ANKMY1: variants seen among roughly 807,000 people sequenced by gnomAD.
ANKMY1 encodes ankyrin repeat and MYND domain-containing protein 1.
In ANKMY1, 98 loss-of-function variants were observed where a neutral mutation model predicts 102.0. That is an observed-to-expected ratio of 0.96 (90% CI 0.82 to 1.14). The LOEUF (loss-of-function observed/expected upper bound fraction) is 1.14, where lower values mean the gene tolerates loss of function less well. Ranked by LOEUF, ANKMY1 falls within the 50% of genes most tolerant of loss-of-function variation. ANKMY1 has a pLI of 0.00. For synonymous variants in ANKMY1, 582 were observed against 559.9 expected, an observed-to-expected ratio of 1.04 and a Z score of -0.56; for missense variants, 1,330 against 1,347.6, an observed-to-expected ratio of 0.99 and a Z score of 0.20.
At chr2:240,479,718 C>A in intron 17 of ANKMY1, 63 bp from the exon 18 acceptor site, 1 of 1,507,292 alleles carries the variant, frequency 6.6e-7, no homozygotes, top group Non-Finnish European at 9.2e-7. Flanking sequence ...CCCCCGAGGC[C>A]TGGCTCCAGA....
At chr2:240,558,691 G>A (rs1021338247), upstream of ANKMY1, 1 of 152,214 alleles carries the variant, frequency 6.6e-6, no homozygotes, top group Non-Finnish European at 1.5e-5. Flanking sequence ...TCTGAGAACA[G>A]GGCAGGGGGT....
chr2:240,522,224 G>A (rs1478600054), intron 8 of ANKMY1: 8 of 152,176 alleles, frequency 5.3e-5, no homozygotes, highest in Non-Finnish European at 1.2e-4. Flanking sequence ...CAATCCTTTA[G>A]CTAGACACAA....
intron 4 of ANKMY1, among the ~76,000 whole-genome samples, chr2:240,542,257 C>T (rs1241252093): frequency 6.6e-6 from 1 of 151,128 alleles, no homozygotes; most frequent in Non-Finnish European, 1.5e-5. Flanking sequence ...CCTGTAATCT[C>T]AGCACTTTGG....
chr2:240,560,919 C>G (rs2092926890), upstream of ANKMY1: 3 of 1,536,296 alleles, frequency 2.0e-6, no homozygotes, highest in East Asian at 7.9e-5. Flanking sequence ...TGAGGACCTG[C>G]TGGCGCACCT....
At position 240,529,462 on chromosome 2, in the gene ANKMY1, G is replaced by A; in HGVS notation, c.528C>T (p.Tyr176=). 6.2e-7 allele frequency: 1 copy of A among 1,614,034 alleles called. No individual in the cohort carries two copies. The highest frequency in any genetic ancestry group is 1.7e-4 in the Middle Eastern group (1 of 6,038). The part of the protein sequence containing the change: ...DQRFGPGVET[Y]PDGSQDVGLW... ...GCCCCACGTCCTGGCTGCCATCGGGGTAGGTCTCGACACCTGGCCCAAACC... is the reference window on the plus strand; with the variant it reads ...GCCCCACGTCCTGGCTGCCATCGGGATAGGTCTCGACACCTGGCCCAAACC... The change falls in exon 5 of 18, where the codon TAC becomes TAT. Residue 176 remains tyrosine, a synonymous_variant. Coordinates refer to ENST00000401804, the MANE Select transcript of ANKMY1 (RefSeq NM_001282771.3). This position sits in a 1 kb window ranked among gnomAD's most constrained non-coding sequence, Gnocchi z 4.2.
rs574093316 is a variant in ANKMY1, at chr2:240,525,419, C to T, written c.1335+266G>A. 5.9e-5 allele frequency among the ~76,000 whole-genome samples: 9 copies of T among 152,384 alleles called. No homozygotes were observed. The South Asian group carries it at 1.7e-3, about 28-fold the overall frequency. On this transcript the variant is annotated intron_variant, in intron 7 of 17. Coordinates refer to ENST00000401804, the MANE Select transcript of ANKMY1 (RefSeq NM_001282771.3). Reference sequence around the variant, plus strand: ...GGATGCCCACTCTCCCTCCACAGCACCCCTTTCCTGCACAGTGCTGGCAGG... The same window carrying T: ...GGATGCCCACTCTCCCTCCACAGCATCCCTTTCCTGCACAGTGCTGGCAGG...
intron 4 of ANKMY1, among the ~76,000 whole-genome samples, chr2:240,538,779 T>C (rs2087702853): frequency 6.6e-6 from 1 of 152,122 alleles, no homozygotes; most frequent in Non-Finnish European, 1.5e-5. Flanking sequence ...AGCTAAAGGA[T>C]TGTAAATGCA....
intron 8 of ANKMY1, chr2:240,522,918 A>G (rs750533867): frequency 5.3e-5 from 8 of 152,240 alleles, no homozygotes; most frequent in Non-Finnish European, 1.0e-4. Context: ...CGCCAGCAAC[A>G]AATAGTGTCA....
chr2:240,497,895 G>C (rs2077474339), intron 15 of ANKMY1, among the ~76,000 whole-genome samples: 1 of 152,200 alleles, frequency 6.6e-6, no homozygotes, highest in African/African-American at 2.4e-5. Flanking sequence ...CCTAATCTCT[G>C]ATGGAAAGGA....
chr2:240,526,603 G>A (rs7593034), intron 5 of ANKMY1, 158 bp from the exon 6 acceptor site: 18 of 1,462,126 alleles, frequency 1.2e-5, no homozygotes, highest in South Asian at 7.0e-5. Context: ...AGCTGCACCC[G>A]CAGCTGCTCA....
intron 4 of ANKMY1, among the ~76,000 whole-genome samples, chr2:240,533,758 T>C (rs1179399053): frequency 6.9e-6 from 1 of 145,394 alleles, no homozygotes; most frequent in Non-Finnish European, 1.5e-5. Flanking sequence ...CACACACACT[T>C]TTTTTAGGTA....
the ANKMY1 span, among the ~76,000 whole-genome samples, chr2:240,471,007 G>A: frequency 6.6e-6 from 1 of 152,154 alleles, no homozygotes; most frequent in South Asian, 2.1e-4. Flanking sequence ...AGGGCTGGGA[G>A]CTGGAACTGG....
At chr2:240,542,720 C>A (rs1481406495) in intron 4 of ANKMY1, among the ~76,000 whole-genome samples, 2 of 144,868 alleles carry the variant, frequency 1.4e-5, no homozygotes, top group African/African-American at 5.1e-5. Context: ...ATGTTTATAT[C>A]TATATATATA....
rs745940094 is a variant in ANKMY1 at position 240,529,194 on chromosome 2, T to C, written c.796A>G (p.Ser266Gly). The C allele has an allele frequency of 3.7e-6, 6 of 1,614,240 alleles. No homozygotes were observed. Among genetic ancestry groups the C allele is most frequent in the Non-Finnish European group, 5.1e-6 (6 of 1,180,052 alleles). ...GAGCTTGTCATGGGCAGGTGGTCACTGTTGGTCGAGTAGACATACATTTCT... is the reference window on the plus strand; with the variant it reads ...GAGCTTGTCATGGGCAGGTGGTCACCGTTGGTCGAGTAGACATACATTTCT... ...PPEMYVYSTN[S>G]DHLPMTSSFR... Residue 266 changes from serine (S) to glycine (G), a missense_variant, in exon 5 of 18, where the codon AGT becomes GGT. Coordinates refer to ENST00000401804, the MANE Select transcript of ANKMY1 (RefSeq NM_001282771.3). The surrounding 1 kb of genome is among the most constrained non-coding windows in gnomAD (Gnocchi z 4.2).
Position 240,539,479 on chromosome 2 carries a change from A to G in ANKMY1, c.481-9970T>C, listed in dbSNP as rs1443108360. 3.3e-5 allele frequency among the ~76,000 whole-genome samples: 5 copies of G among 152,300 alleles called. No homozygotes were observed. The East Asian group carries it at 9.6e-4, about 29-fold the overall frequency. On this transcript the variant is annotated intron_variant, in intron 4 of 17. Transcript: ENST00000401804. ...ATCAGAAGGAACAAACTCCCGACAC[A>G]CCATCTTTAAGAACCGTAACACTCA...
At chr2:240,472,334 AG>A in the ANKMY1 span, among the ~76,000 whole-genome samples, 2 of 143,832 alleles carry the variant, frequency 1.4e-5, no homozygotes, top group African/African-American at 5.5e-5. Flanking sequence ...ACCCAGCTCC[AG>A]CCCCACTCTG....
chr2:240,507,829 C>T (rs949036289), intron 12 of ANKMY1, 138 bp from the exon 13 acceptor site: 7 of 1,063,948 alleles, frequency 6.6e-6, no homozygotes, highest in Admixed American at 3.5e-5. Flanking sequence ...GCCCTTCCCA[C>T]GGATCCTACC....
At position 240,525,744 on chromosome 2, in the gene ANKMY1, G is replaced by C; in HGVS notation, c.1276C>G (p.His426Asp). The C allele has an allele frequency of 6.2e-7, 1 of 1,614,160 alleles. No homozygotes were observed. Among genetic ancestry groups the C allele is most frequent in the Middle Eastern group, 1.6e-4 (1 of 6,062 alleles). Residue 426 changes from histidine to aspartate, a missense_variant, in exon 7 of 18, where the codon CAC (histidine) becomes GAC (aspartate). Coordinates refer to ENST00000401804, the MANE Select transcript of ANKMY1 (RefSeq NM_001282771.3). The part of the protein sequence containing the change: ...LTALSMCFLL[H>D]YPAQSFKPNV... ...GGCTTGAAGGACTGGGCGGGGTAGT[G>C]GAGGAGGAAACACATGCTGAGTGCC...
intron 11 of ANKMY1, 70 bp downstream of exon 11, chr2:240,511,791 C>T: frequency 6.7e-7 from 1 of 1,488,946 alleles, no homozygotes; most frequent in Non-Finnish European, 8.8e-7. Flanking sequence ...CTTCCGGGGG[C>T]ACAAGGCCCT....
Sources: gnomAD v4.1 joint callset for allele counts (sites outside exome capture counted in the v4.1 genomes callset) on GRCh38, gnomAD v4.1.1 for gene constraint, Gnocchi (gnomAD v3.1) non-coding constraint, MANE v1.5 for transcripts, NCBI Gene and HGNC (gene_info 2026-07-23, HGNC 2026-07-21) for gene names.